The following SLC2A13 variants were observed in gnomAD, a reference collection of about 807,000 sequenced individuals.
SLC2A13 encodes solute carrier family 2 member 13.
A neutral mutation model predicts 64.4 loss-of-function variants in SLC2A13; 32 were observed. The observed-to-expected ratio is 0.50, with a 90% CI of 0.37 to 0.67. SLC2A13 has a LOEUF of 0.67. Among genes scored for constraint, SLC2A13 ranks in the 30% least tolerant of loss-of-function variants. SLC2A13 has a pLI of 0.00. For missense variants in SLC2A13, 743 were observed against 829.2 expected, an observed-to-expected ratio of 0.90 and a Z score of 1.28; for synonymous variants, 338 against 327.1, an observed-to-expected ratio of 1.03 and a Z score of -0.36.
intron 4 of SLC2A13, among the ~76,000 whole-genome samples, chr12:39,891,518 A>G (rs1944608011): frequency 6.6e-6 from 1 of 151,988 alleles, no homozygotes; most frequent in Non-Finnish European, 1.5e-5. Context: ...ACTCAACTCT[A>G]TTGTTTCTTT....
chr12:39,765,937 C>T (rs1020900234), intron 7 of SLC2A13, among the ~76,000 whole-genome samples: 11 of 152,062 alleles, frequency 7.2e-5, no homozygotes, highest in African/African-American at 2.7e-4. Context: ...TCCATGTGTT[C>T]TCATTGTTCA....
At chr12:40,075,612 G>A (rs573755558) in intron 1 of SLC2A13, among the ~76,000 whole-genome samples, 1 of 152,134 alleles carries the variant, frequency 6.6e-6, no homozygotes, top group African/African-American at 2.4e-5. Context: ...AGTTTGCTGA[G>A]TTTCTTGAAT....
intron 5 of SLC2A13, among the ~76,000 whole-genome samples, chr12:39,867,171 C>T (rs984539443): frequency 1.3e-5 from 2 of 152,126 alleles, no homozygotes; most frequent in Admixed American, 1.3e-4. Flanking sequence ...AAATCTGAGT[C>T]CCTATTTTCC....
At chr12:40,037,882 C>T (rs1246075997) in intron 2 of SLC2A13, among the ~76,000 whole-genome samples, 1 of 152,056 alleles carries the variant, frequency 6.6e-6, no homozygotes, top group Non-Finnish European at 1.5e-5. Flanking sequence ...ATGACATGCC[C>T]TCTTTTATTC....
chr12:39,896,995 G>T (rs1944939539), intron 4 of SLC2A13, among the ~76,000 whole-genome samples: 1 of 152,058 alleles, frequency 6.6e-6, no homozygotes, highest in Non-Finnish European at 1.5e-5. Context: ...GAGGGGTTTA[G>T]TAAAAGAAAA....
chr12:39,787,986 G>T (rs1941251541), intron 7 of SLC2A13, among the ~76,000 whole-genome samples: 1 of 152,046 alleles, frequency 6.6e-6, no homozygotes, highest in East Asian at 1.9e-4. Flanking sequence ...TAGAAATTTG[G>T]CCAAGGAATG....
At chr12:39,900,732 A>G (rs1456337307) in intron 4 of SLC2A13, among the ~76,000 whole-genome samples, 1 of 152,226 alleles carries the variant, frequency 6.6e-6, no homozygotes, top group Non-Finnish European at 1.5e-5. Flanking sequence ...ATGGGTAGGA[A>G]GAATCAATAT....
At chr12:39,837,943 G>A (rs1321980650) in intron 6 of SLC2A13, among the ~76,000 whole-genome samples, 14 of 151,036 alleles carry the variant, frequency 9.3e-5, no homozygotes, top group Admixed American at 4.0e-4. Flanking sequence ...CGATTCCTCA[G>A]GGATCTAGAA....
chr12:39,809,918 T>C (rs942671928), intron 7 of SLC2A13, among the ~76,000 whole-genome samples: 2 of 152,190 alleles, frequency 1.3e-5, no homozygotes, highest in Non-Finnish European at 2.9e-5. Flanking sequence ...TGTTGGACAT[T>C]TGGGTTGGTT....
At chr12:40,094,485 C>G (rs1938872029) in intron 1 of SLC2A13, among the ~76,000 whole-genome samples, 1 of 151,968 alleles carries the variant, frequency 6.6e-6, no homozygotes, top group South Asian at 2.1e-4. Flanking sequence ...TGTCCAAAAG[C>G]CAAAGAAAAT....
intron 4 of SLC2A13, among the ~76,000 whole-genome samples, chr12:39,891,115 T>A (rs541952591): frequency 2.0e-4 from 25 of 123,738 alleles, no homozygotes; most frequent in African/African-American, 7.3e-4. Context: ...AAGTTTCAAA[T>A]ATACCTTTTT....
chr12:39,786,646 G>A (rs559654475), intron 7 of SLC2A13, among the ~76,000 whole-genome samples: 2 of 152,280 alleles, frequency 1.3e-5, no homozygotes, highest in East Asian at 1.9e-4. Flanking sequence ...TGGCTGCCCT[G>A]ACCACACCAC....
chr12:39,942,275 T>C (rs963249039), intron 4 of SLC2A13, among the ~76,000 whole-genome samples: 9 of 152,138 alleles, frequency 5.9e-5, no homozygotes, highest in South Asian at 2.1e-4. Flanking sequence ...ATGGGGATTG[T>C]ATTAAATCTG....
chr12:40,003,104 T>C (rs1056886284), intron 3 of SLC2A13, among the ~76,000 whole-genome samples: 3 of 152,194 alleles, frequency 2.0e-5, no homozygotes, highest in African/African-American at 4.8e-5. Context: ...CAGGGAGAGA[T>C]GTTTGGGAAC....
chr12:40,043,081 T>G (rs1948117743), intron 2 of SLC2A13, among the ~76,000 whole-genome samples: 2 of 151,934 alleles, frequency 1.3e-5, no homozygotes, highest in Admixed American at 1.3e-4. Flanking sequence ...AAAGAATGCA[T>G]GGATTGGGTA....
intron 4 of SLC2A13, among the ~76,000 whole-genome samples, chr12:39,889,294 T>G (rs1180968126): frequency 6.6e-6 from 1 of 152,084 alleles, no homozygotes; most frequent in African/African-American, 2.4e-5. Context: ...TTAAAATGTA[T>G]TTTTAATTAT....
At chr12:40,015,626 C>T (rs1223174994) in intron 3 of SLC2A13, among the ~76,000 whole-genome samples, 1 of 152,214 alleles carries the variant, frequency 6.6e-6, no homozygotes, top group Non-Finnish European at 1.5e-5. Flanking sequence ...CACTCTCCCT[C>T]CTCCACTGCA....
chr12:40,062,888 T>G (rs1042340576), intron 1 of SLC2A13, among the ~76,000 whole-genome samples: 1 of 152,140 alleles, frequency 6.6e-6, no homozygotes, highest in Non-Finnish European at 1.5e-5. Flanking sequence ...GGAGCCATTA[T>G]AGCTCACATT....
chr12:39,886,920 C>T (rs750578278), intron 4 of SLC2A13, among the ~76,000 whole-genome samples: 3 of 152,030 alleles, frequency 2.0e-5, no homozygotes, highest in African/African-American at 2.4e-5. Flanking sequence ...ATGTGTTTTG[C>T]GTATGTTAAA....
Sources: gnomAD v4.1 joint callset for allele counts (sites outside exome capture counted in the v4.1 genomes callset) on GRCh38, gnomAD v4.1.1 for gene constraint, MANE v1.5 for transcripts, NCBI Gene and HGNC (gene_info 2026-07-23, HGNC 2026-07-21) for gene names.